The following CSMD2 variants were observed in gnomAD, a reference collection of about 807,000 sequenced individuals.
The protein encoded by CSMD2 is CUB and Sushi multiple domains 2.
Under a neutral mutation model 398.5 loss-of-function variants are expected in CSMD2, and 130 were observed. The ratio of observed to expected loss-of-function variants is 0.33; its 90% confidence interval spans 0.28 to 0.38. The LOEUF (loss-of-function observed/expected upper bound fraction) is 0.38, where lower values mean the gene tolerates loss of function less well. CSMD2 is among the 10% of genes least tolerant of loss of function. The probability of loss-of-function intolerance (pLI) is 1.00; values close to 1 mark genes in which losing one functional copy is unlikely to be tolerated. For synonymous variants in CSMD2, 1,828 were observed against 1,908.5 expected (o/e 0.96, Z 1.10); for missense variants, 3,829 against 4,764.9 (o/e 0.80, Z 5.78).
chr1:34,105,513 T>C (rs1388221406), intron 1 of CSMD2, among the ~76,000 whole-genome samples: 2 of 152,196 alleles, frequency 1.3e-5, no homozygotes, highest in Admixed American at 6.5e-5. Flanking sequence ...TTCAGGGGAT[T>C]AGCAGGCCAA....
At chr1:34,050,490 T>G (rs1653052015) in intron 2 of CSMD2, among the ~76,000 whole-genome samples, 1 of 152,186 alleles carries the variant, frequency 6.6e-6, no homozygotes, top group South Asian at 2.1e-4. Flanking sequence ...GGTCCTACCA[T>G]GTGAACCCTC....
chr1:34,148,843 A>G (rs961625125), intron 1 of CSMD2, among the ~76,000 whole-genome samples: 3 of 152,172 alleles, frequency 2.0e-5, no homozygotes, highest in Admixed American at 2.0e-4. Flanking sequence ...TCACAGGCAC[A>G]GGAATTGACC....
chr1:33,672,913 A>G (rs994093162), intron 25 of CSMD2, among the ~76,000 whole-genome samples: 1 of 152,216 alleles, frequency 6.6e-6, no homozygotes, highest in African/African-American at 2.4e-5. Context: ...TGACTGTTAG[A>G]AGGAAAACTA....
At chr1:33,686,772 C>T (rs147719089) in intron 25 of CSMD2, among the ~76,000 whole-genome samples, 8 of 152,334 alleles carry the variant, frequency 5.3e-5, no homozygotes, top group East Asian at 1.9e-4. Context: ...ATAGCCTCAT[C>T]GGCTAGCCTG....
At chr1:33,590,294 A>ATTTTTT (rs56252015) in intron 44 of CSMD2, among the ~76,000 whole-genome samples, 15 of 73,858 alleles carry the variant, frequency 2.0e-4, no homozygotes, top group African/African-American at 4.5e-4. Flanking sequence ...GCTAATTAAA[A>ATTTTTT]TTTTTTTTTT....
At chr1:33,885,943 G>C (rs924860054) in intron 5 of CSMD2, among the ~76,000 whole-genome samples, 8 of 152,056 alleles carry the variant, frequency 5.3e-5, no homozygotes, top group Non-Finnish European at 1.2e-4. Context: ...TGTCAAAGGG[G>C]AATGAAAATA....
At chr1:33,755,306 T>C (rs1314164103) in intron 13 of CSMD2, among the ~76,000 whole-genome samples, 1 of 152,190 alleles carries the variant, frequency 6.6e-6, no homozygotes, top group Non-Finnish European at 1.5e-5. Context: ...TCAGTTATCT[T>C]AATGTCATCT....
chr1:33,555,853 T>C (rs1557528971), intron 55 of CSMD2, among the ~76,000 whole-genome samples: 1 of 152,260 alleles, frequency 6.6e-6, no homozygotes, highest in Non-Finnish European at 1.5e-5. Context: ...TTTTGCTTTA[T>C]TGCAGTAGTC....
At chr1:33,783,307 TG>T (rs1653032598) in intron 12 of CSMD2, among the ~76,000 whole-genome samples, 1 of 152,098 alleles carries the variant, frequency 6.6e-6, no homozygotes, top group Admixed American at 6.5e-5. Flanking sequence ...TAGCCCCCAG[TG>T]TGACTGTATT....
chr1:33,726,222 A>T (rs1379210050), intron 16 of CSMD2, among the ~76,000 whole-genome samples: 2 of 152,128 alleles, frequency 1.3e-5, no homozygotes, highest in Non-Finnish European at 2.9e-5. Flanking sequence ...CTCGTCAGAT[A>T]CCAGAGTCAT....
At chr1:33,802,574 G>C (rs924667613) in intron 10 of CSMD2, among the ~76,000 whole-genome samples, 3 of 152,180 alleles carry the variant, frequency 2.0e-5, no homozygotes, top group Non-Finnish European at 4.4e-5. Context: ...TCCTACAAGG[G>C]AGATGGAATT....
chr1:33,672,406 G>A (rs977494221), intron 25 of CSMD2, among the ~76,000 whole-genome samples: 1 of 152,248 alleles, frequency 6.6e-6, no homozygotes, highest in Admixed American at 6.5e-5. Context: ...GCGGCAGCAA[G>A]GCTGGGGGAG....
chr1:33,781,950 T>C (rs1652825879), intron 12 of CSMD2, among the ~76,000 whole-genome samples: 1 of 147,346 alleles, frequency 6.8e-6, no homozygotes, highest in South Asian at 2.2e-4. Flanking sequence ...GGGAAGCAAA[T>C]GCCCCAATTT....
chr1:33,727,092 C>T (rs556596919), intron 15 of CSMD2, among the ~76,000 whole-genome samples: 10 of 152,286 alleles, frequency 6.6e-5, no homozygotes, highest in African/African-American at 7.2e-5. Context: ...ACAACTCAGA[C>T]GTTCAGCTCA....
At chr1:33,610,934 C>G (rs1640955532) in intron 41 of CSMD2, 107 bp downstream of exon 41, 1 of 1,092,634 alleles carries the variant, frequency 9.2e-7, no homozygotes, top group Admixed American at 2.1e-5. Flanking sequence ...CGCAACCCAC[C>G]CCTTATGGTG....
At chr1:33,573,569 C>T (rs1396212980) in intron 49 of CSMD2, among the ~76,000 whole-genome samples, 1 of 149,882 alleles carries the variant, frequency 6.7e-6, no homozygotes, top group African/African-American at 2.4e-5. Context: ...AATATGATTG[C>T]CGAAATAAGC....
intron 48 of CSMD2, among the ~76,000 whole-genome samples, chr1:33,578,952 C>T (rs1179079158): frequency 6.6e-6 from 1 of 152,198 alleles, no homozygotes; most frequent in Non-Finnish European, 1.5e-5. Context: ...ACATGGTTAC[C>T]TCCCTCAGGA....
In CSMD2 at chr1:33,624,816, G is replaced by A. The variant is rs946896544; in HGVS notation, c.5501-173C>T. 6.6e-6 allele frequency among the ~76,000 whole-genome samples: 1 copy of A among 152,064 alleles called. No homozygotes were observed. Among genetic ancestry groups the A allele is most frequent in the Admixed American group, 6.5e-5 (1 of 15,284 alleles). ...GGCCTCTCCCCATGCAACTCTGTTC[G>A]GGGCCCTGGGCCCAGCTCCTCTCTC... On this transcript the variant is annotated intron_variant, in intron 34 of 70. Coordinates refer to ENST00000373381, the MANE Select transcript of CSMD2 (RefSeq NM_001281956.2). This position sits in a 1 kb window ranked among gnomAD's most constrained non-coding sequence, Gnocchi z 4.7.
At chr1:34,120,541 G>T (rs1662069323) in intron 1 of CSMD2, among the ~76,000 whole-genome samples, 1 of 152,112 alleles carries the variant, frequency 6.6e-6, no homozygotes, top group Non-Finnish European at 1.5e-5. Context: ...CAATTAATTG[G>T]TAACTGTAAT....
Sources: gnomAD v4.1 joint callset for allele counts (sites outside exome capture counted in the v4.1 genomes callset) on GRCh38, gnomAD v4.1.1 for gene constraint, Gnocchi (gnomAD v3.1) non-coding constraint, MANE v1.5 for transcripts, NCBI Gene and HGNC (gene_info 2026-07-23, HGNC 2026-07-21) for gene names.